Variants in BMP7 observed in about 807,000 individuals in gnomAD.
The protein encoded by BMP7 is osteogenic protein 1.
BMP7 carries 12 observed loss-of-function variants against 41.2 expected under a neutral mutation model. The observed-to-expected ratio is 0.29, with a 90% CI of 0.19 to 0.47. BMP7 has a LOEUF of 0.47. Ranked by LOEUF, BMP7 falls within the 20% of genes least tolerant of loss-of-function variation. The probability of loss-of-function intolerance (pLI) is 0.99; values close to 1 mark genes in which losing one functional copy is unlikely to be tolerated. For synonymous variants in BMP7, 248 were observed against 250.0 expected, an observed-to-expected ratio of 0.99 and a Z score of 0.07; for missense variants, 467 against 606.0, an observed-to-expected ratio of 0.77 and a Z score of 2.41.
chr20:57,257,281 A>G (rs1352648197), intron 1 of BMP7, among the ~76,000 whole-genome samples: 1 of 152,238 alleles, frequency 6.6e-6, no homozygotes, highest in Non-Finnish European at 1.5e-5. Flanking sequence ...AGGCCTTTAG[A>G]TCAGTGATTC....
intron 2 of BMP7, among the ~76,000 whole-genome samples, chr20:57,203,731 C>T (rs766882865): frequency 6.6e-5 from 10 of 152,164 alleles, no homozygotes; most frequent in Non-Finnish European, 1.3e-4. Flanking sequence ...AATATTTATA[C>T]CTCTGTGTTG....
chr20:57,240,293 C>G (rs2066063911), intron 1 of BMP7, among the ~76,000 whole-genome samples: 1 of 152,212 alleles, frequency 6.6e-6, no homozygotes, highest in Non-Finnish European at 1.5e-5. Flanking sequence ...TGCCGTCAGG[C>G]TCTTTGCTAA....
intron 3 of BMP7, among the ~76,000 whole-genome samples, chr20:57,199,719 G>A (rs2123086499): frequency 6.6e-6 from 1 of 152,268 alleles, no homozygotes; most frequent in African/African-American, 2.4e-5. Context: ...ACCCCCAAGA[G>A]GTCCAAAACT....
rs1983745360 is a variant in BMP7, at chr20:57,168,867, A to G, written c.*2092T>C. 1 of 151,974 alleles carries G rather than the reference A, an allele frequency of 6.6e-6. No homozygotes were observed. Among genetic ancestry groups the G allele is most frequent in the Non-Finnish European group, 1.5e-5 (1 of 68,002 alleles). The allele number at this position is 151,974 out of a possible 1,614,324, so 9.4% of individuals were successfully genotyped here. On this transcript the variant is annotated 3_prime_UTR_variant, in exon 7 of 7. Coordinates refer to ENST00000395863, the MANE Select transcript of BMP7 (RefSeq NM_001719.3). ...CAACAGCTGTGAGTACATTGGTCCA[A>G]CCATTAATAAATAGTCTTAAATAAG...
chr20:57,196,344 T>C (rs952270240), intron 3 of BMP7, among the ~76,000 whole-genome samples: 1 of 152,212 alleles, frequency 6.6e-6, no homozygotes, highest in African/African-American at 2.4e-5. Flanking sequence ...TCTGCATGGC[T>C]TCACCCCTAC....
At chr20:57,239,612 C>T (rs1372900520) in intron 1 of BMP7, among the ~76,000 whole-genome samples, 1 of 152,236 alleles carries the variant, frequency 6.6e-6, no homozygotes, top group Non-Finnish European at 1.5e-5. Flanking sequence ...CATTTCCCTT[C>T]CCCACTGCCC....
At chr20:57,234,790 G>A (rs1012192524) in intron 1 of BMP7, among the ~76,000 whole-genome samples, 1 of 152,198 alleles carries the variant, frequency 6.6e-6, no homozygotes, top group Non-Finnish European at 1.5e-5. Flanking sequence ...GCTCTGGATC[G>A]CATGCCCTCC....
rs184706555 is a variant in BMP7 at position 57,200,516 on chromosome 20, G to A, written c.760+1959C>T. On this transcript the variant is annotated intron_variant, in intron 3 of 6. Coordinates refer to ENST00000395863, the MANE Select transcript of BMP7 (RefSeq NM_001719.3). ...AAGAGGAGCTGGCCACAGGGCTGGC[G>A]TCAATTAAGACAAAATCACCTGAGC... 2.5e-3 allele frequency among the ~76,000 whole-genome samples: 381 copies of A among 152,290 alleles called. 1 individual carries two copies. The highest frequency in any genetic ancestry group is 6.8e-3 in the Middle Eastern group (2 of 294).
intron 3 of BMP7, among the ~76,000 whole-genome samples, chr20:57,186,841 C>T (rs573833018): frequency 1.3e-5 from 2 of 152,276 alleles, no homozygotes; most frequent in South Asian, 4.2e-4. Flanking sequence ...TTTCCCCCAC[C>T]CGCCGCTATT....
chr20:57,234,900 C>T (rs1015985), intron 1 of BMP7, among the ~76,000 whole-genome samples: 22,830 of 152,282 alleles, frequency 0.15, 1,935 homozygotes, highest in East Asian at 0.33. Context: ...TTGTTGATAA[C>T]GTACACACAG....
intron 1 of BMP7, among the ~76,000 whole-genome samples, chr20:57,240,447 T>G (rs890533624): frequency 5.9e-5 from 9 of 152,224 alleles, no homozygotes; most frequent in African/African-American, 2.2e-4. Context: ...AATTCCAAAC[T>G]TTTCCACATT....
Position 57,171,567 on chromosome 20 carries a change from G to A in BMP7, c.1147-459C>T, listed in dbSNP as rs780258030. On this transcript the variant is annotated intron_variant, in intron 6 of 6. Coordinates refer to ENST00000395863, the MANE Select transcript of BMP7 (RefSeq NM_001719.3). This position sits in a 1 kb window ranked among gnomAD's most constrained non-coding sequence, Gnocchi z 4.5. ...GTGCCACTGATAAGCAAAATAGACC[G>A]AGGTAAGACAATAGGGAATAGTGGG... Among the ~76,000 whole-genome samples the A allele has an allele frequency of 8.5e-5, 13 of 152,308 alleles. No homozygotes were observed. Among genetic ancestry groups the A allele is most frequent in the East Asian group, 1.9e-4 (1 of 5,174 alleles).
At chr20:57,249,494 C>T (rs1473545271) in intron 1 of BMP7, among the ~76,000 whole-genome samples, 3 of 152,144 alleles carry the variant, frequency 2.0e-5, no homozygotes, top group Non-Finnish European at 2.9e-5. Context: ...GTCTGTCCTA[C>T]CTGCTGTCTT....
At chr20:57,192,882 C>T (rs1041185508) in intron 3 of BMP7, among the ~76,000 whole-genome samples, 4 of 152,102 alleles carry the variant, frequency 2.6e-5, no homozygotes, top group African/African-American at 9.7e-5. Flanking sequence ...AAATTTAACT[C>T]GGCATCTTGT....
intron 1 of BMP7, among the ~76,000 whole-genome samples, chr20:57,232,139 A>G (rs1205175990): frequency 1.3e-5 from 2 of 152,170 alleles, no homozygotes; most frequent in African/African-American, 4.8e-5. Flanking sequence ...CCTGAGTTTG[A>G]TCTTGGCTGT....
chr20:57,207,923 G>A lies in BMP7; in HGVS notation c.612-5300C>T, dbSNP rs192492615. 3.0e-3 allele frequency among the ~76,000 whole-genome samples: 435 copies of A among 144,628 alleles called. 3 individuals carry two copies. The highest frequency in any genetic ancestry group is 0.01 in the African/African-American group (407 of 39,256). 94.9% of individuals were successfully genotyped at this position (144,628 alleles called of 152,430 possible). On this transcript the variant is annotated intron_variant, in intron 2 of 6. Transcript: ENST00000395863. Reference sequence around the variant, plus strand: ...CGGCTCACTGCAAGCTCCGCTTCCCGGGTTCACGCCATTCTCCTGCCTCAG... The same window carrying A: ...CGGCTCACTGCAAGCTCCGCTTCCCAGGTTCACGCCATTCTCCTGCCTCAG...
chr20:57,202,703 CT>C, intron 2 of BMP7, 80 bp from the exon 3 acceptor site: 2 of 957,276 alleles, frequency 2.1e-6, no homozygotes, highest in Non-Finnish European at 3.1e-6. Flanking sequence ...GAAGCAGAGC[CT>C]CATGGGGTGG....
chr20:57,190,302 C>T (rs568596703), intron 3 of BMP7, among the ~76,000 whole-genome samples: 3 of 138,326 alleles, frequency 2.2e-5, no homozygotes, highest in Admixed American at 7.1e-5. Context: ...GAGGTGAGGC[C>T]AGAGTGAGTG....
chr20:57,180,611 C>G (rs1023280324), intron 4 of BMP7, among the ~76,000 whole-genome samples: 3 of 152,104 alleles, frequency 2.0e-5, no homozygotes, highest in East Asian at 1.9e-4. Flanking sequence ...TGTGGGTGTT[C>G]GACATTGAAT....
Sources: gnomAD v4.1 joint callset for allele counts (sites outside exome capture counted in the v4.1 genomes callset) on GRCh38, gnomAD v4.1.1 for gene constraint, Gnocchi (gnomAD v3.1) non-coding constraint, MANE v1.5 for transcripts, NCBI Gene and HGNC (gene_info 2026-07-23, HGNC 2026-07-21) for gene names.